Variants in WDR43 observed in about 807,000 individuals in gnomAD.
WDR43 encodes WD repeat domain 43.
A neutral mutation model predicts 91.4 loss-of-function variants in WDR43; 13 were observed. The observed-to-expected ratio is 0.14, with a 90% CI of 0.09 to 0.23. The LOEUF (loss-of-function observed/expected upper bound fraction) is 0.23. Among genes scored for constraint, WDR43 ranks in the 10% least tolerant of loss-of-function variants. WDR43 has a pLI of 1.00. For missense variants in WDR43, 780 were observed against 809.4 expected (o/e 0.96, Z 0.44); for synonymous variants, 331 against 287.9 (o/e 1.15, Z -1.51).
In WDR43 at chr2:28,947,156, T is replaced by C. The variant is rs570117291; in HGVS notation, c.*377T>C. The C allele has an allele frequency of 6.4e-6, 1 of 155,752 alleles. No homozygotes were observed. The highest frequency in any genetic ancestry group is 1.4e-5 in the Non-Finnish European group (1 of 70,474). The allele number at this position is 155,752 out of a possible 1,614,324, so 9.6% of individuals were successfully genotyped here. ...ACTGTTGTGAAGAAGTCAGCTCTTATCTCAGGTTGGTATCTTTCATCAAAT... is the reference window on the plus strand; with the variant it reads ...ACTGTTGTGAAGAAGTCAGCTCTTACCTCAGGTTGGTATCTTTCATCAAAT... On this transcript the variant is annotated 3_prime_UTR_variant, in exon 18 of 18. Transcript: ENST00000407426.
chr2:28,919,225 TC>T (rs1291501334), intron 6 of WDR43, among the ~76,000 whole-genome samples: 18 of 152,290 alleles, frequency 1.2e-4, no homozygotes, highest in African/African-American at 4.3e-4. Context: ...GCCACTGCAT[TC>T]CAGCCTGGGT....
At position 28,927,690 on chromosome 2, in the gene WDR43, G is replaced by T. The variant is rs777090331; in HGVS notation, c.1295G>T (p.Gly432Val). The change falls in exon 10 of 18, where the codon GGG becomes GTG. Residue 432 changes from glycine to valine, a missense_variant. Physicochemically the swap from Gly to Val is moderately radical, Grantham distance 109. Around this residue, in one of 4 missense-constraint regions of WDR43, gnomAD observed 426 missense variants for 467.8 expected, o/e 0.91. Transcript: ENST00000407426. ...CAAGTAGAGAGCAAGAGGAAGTCAGGGGGAAATGAGGTAATGCAACTGCTT... is the reference window on the plus strand; with the variant it reads ...CAAGTAGAGAGCAAGAGGAAGTCAGTGGGAAATGAGGTAATGCAACTGCTT... ...TEQVESKRKS[G>V]GNEVSIEERL... is the part of the protein sequence containing the mutation. 40 of 1,613,852 alleles carry T rather than the reference G, an allele frequency of 2.5e-5. No individual in the cohort carries two copies. The East Asian group carries it at 6.9e-4, about 28-fold the overall frequency.
chr2:28,916,651 G>A (rs1411774262), intron 5 of WDR43, among the ~76,000 whole-genome samples: 1 of 151,918 alleles, frequency 6.6e-6, no homozygotes, highest in Non-Finnish European at 1.5e-5. Context: ...GCACCCACAC[G>A]CTTATCCCTA....
At chr2:28,900,977 A>C (rs1434716708) in intron 1 of WDR43, among the ~76,000 whole-genome samples, 1 of 152,214 alleles carries the variant, frequency 6.6e-6, no homozygotes, top group Non-Finnish European at 1.5e-5. Flanking sequence ...CTCTTTATGC[A>C]CTGGTAACGT....
Position 28,927,650 on chromosome 2 carries a change from C to G in WDR43, c.1255C>G (p.Pro419Ala). 6.2e-7 allele frequency: 1 copy of G among 1,613,888 alleles called. No homozygotes were observed. The highest frequency in any genetic ancestry group is 8.5e-7 in the Non-Finnish European group (1 of 1,179,858). The change falls in exon 10 of 18, where the codon CCT becomes GCT. Residue 419 changes from proline to alanine, a missense_variant. Physicochemically the swap from Pro to Ala is conservative, Grantham distance 27. This residue lies in a region of WDR43 where 426 missense variants were observed against 467.8 expected (regional missense o/e 0.91). Coordinates refer to ENST00000407426, the MANE Select transcript of WDR43 (RefSeq NM_015131.3). ...PGHHAAIKPAPPQTEQVESKR... is the reference protein window; with the variant it reads ...PGHHAAIKPAAPQTEQVESKR... Reference sequence around the variant, plus strand: ...TCATCATGCAGCTATCAAGCCCGCTCCTCCACAAACCGAGCAAGTAGAGAG... The same window carrying G: ...TCATCATGCAGCTATCAAGCCCGCTGCTCCACAAACCGAGCAAGTAGAGAG...
At position 28,934,435 on chromosome 2, in the gene WDR43, G is replaced by A. The variant is rs138574489; in HGVS notation, c.1438-1086G>A. Among the ~76,000 whole-genome samples the A allele has an allele frequency of 5.6e-4, 85 of 152,228 alleles. 1 individual carries two copies. Among genetic ancestry groups the A allele is most frequent in the African/African-American group, 2.0e-3 (82 of 41,534 alleles). On this transcript the variant is annotated intron_variant, in intron 11 of 17. Coordinates refer to ENST00000407426, the MANE Select transcript of WDR43 (RefSeq NM_015131.3). ...GTGTTTATTACGCTTCATTTGTACT[G>A]CAGTAAAGTTGTAAAAGAAAAATCT...
intron 16 of WDR43, among the ~76,000 whole-genome samples, chr2:28,944,513 C>A (rs1316348124): frequency 6.6e-6 from 1 of 152,214 alleles, no homozygotes; most frequent in Non-Finnish European, 1.5e-5. Flanking sequence ...TAAGTATGTT[C>A]ATTGCAGCCT....
intron 11 of WDR43, among the ~76,000 whole-genome samples, chr2:28,935,216 A>G (rs1237137703): frequency 1.3e-5 from 2 of 152,202 alleles, no homozygotes; most frequent in Non-Finnish European, 2.9e-5. Context: ...GAACATCTTT[A>G]AAGTGGCATA....
chr2:28,944,604 T>C (rs538073323), intron 16 of WDR43, among the ~76,000 whole-genome samples: 2 of 152,356 alleles, frequency 1.3e-5, no homozygotes, highest in South Asian at 4.1e-4. Flanking sequence ...TCCTTTAGCA[T>C]AACACTACAT....
intron 4 of WDR43, 122 bp downstream of exon 4, chr2:28,912,832 T>C: frequency 7.6e-7 from 1 of 1,322,578 alleles, no homozygotes; most frequent in Admixed American, 2.7e-5. Context: ...GTACATCAAA[T>C]AGTTTAGTGG....
In WDR43 at chr2:28,910,419, TTC is replaced by T. The variant is rs1313289104; in HGVS notation, c.486-2166_486-2165del. ...GAAGCTGGTAAGGGTAAAGGAAAAG[TTC>T]TCTCGTACATTATAGCTGCATTTCT... On this transcript the variant is annotated intron_variant, in intron 3 of 17. Coordinates refer to ENST00000407426, the MANE Select transcript of WDR43 (RefSeq NM_015131.3). Among the ~76,000 whole-genome samples, 5 of 152,144 alleles carry T rather than the reference TTC, an allele frequency of 3.3e-5. No individual in the cohort carries two copies. The East Asian group carries it at 7.7e-4, about 23-fold the overall frequency.
intron 3 of WDR43, among the ~76,000 whole-genome samples, chr2:28,907,499 C>T (rs1670705491): frequency 6.6e-6 from 1 of 151,064 alleles, no homozygotes; most frequent in Non-Finnish European, 1.5e-5. Context: ...GGCCTGTGGC[C>T]CCAGATACGA....
intron 2 of WDR43, among the ~76,000 whole-genome samples, chr2:28,904,852 A>T (rs943672658): frequency 6.6e-6 from 1 of 152,232 alleles, no homozygotes; most frequent in Non-Finnish European, 1.5e-5. Flanking sequence ...TAGCTTAGAT[A>T]TGTACATAGT....
intron 2 of WDR43, among the ~76,000 whole-genome samples, chr2:28,905,472 C>G (rs918603573): frequency 5.9e-5 from 9 of 152,140 alleles, no homozygotes; most frequent in Non-Finnish European, 1.0e-4. Flanking sequence ...CCTGAAGTAA[C>G]AGTGATTTTT....
rs1054147399 is a variant in WDR43 at position 28,947,226 on chromosome 2, A to T, written c.*447A>T. On this transcript the variant is annotated 3_prime_UTR_variant, in exon 18 of 18. Coordinates refer to ENST00000407426, the MANE Select transcript of WDR43 (RefSeq NM_015131.3). ...AGTGAAAATTTTTTTAATTTAGTAC[A>T]TTTAATTTGGTACATTTTCATAAAA... The T allele has an allele frequency of 6.6e-6, 1 of 152,374 alleles. No homozygotes were observed. The highest frequency in any genetic ancestry group is 1.5e-5 in the Non-Finnish European group (1 of 68,204). The allele number at this position is 152,374 out of a possible 1,614,324, so 9.4% of individuals were successfully genotyped here.
intron 6 of WDR43, among the ~76,000 whole-genome samples, chr2:28,920,752 C>A (rs571527409): frequency 6.6e-6 from 1 of 152,158 alleles, no homozygotes; most frequent in East Asian, 1.9e-4. Context: ...TCTCAGCTCA[C>A]TGCAAACTCT....
Position 28,919,370 on chromosome 2 carries a change from T to TA in WDR43, c.849+1375_849+1376insA. Among the ~76,000 whole-genome samples, 2 of 152,274 alleles carry TA rather than the reference T, an allele frequency of 1.3e-5. 1 individual carries two copies. Among genetic ancestry groups the TA allele is most frequent in the East Asian group, 3.9e-4 (2 of 5,188 alleles). On this transcript the variant is annotated intron_variant, in intron 6 of 17. Coordinates refer to ENST00000407426, the MANE Select transcript of WDR43 (RefSeq NM_015131.3). ...TGATTCCCTATAAAGATTTTTGTCT[T>TA]TAAGAAAAGTAGTAGGGGCTGGGCG...
intron 2 of WDR43, among the ~76,000 whole-genome samples, chr2:28,902,931 A>G (rs1670602853): frequency 6.6e-6 from 1 of 152,184 alleles, no homozygotes. Flanking sequence ...GAGTGTTTTA[A>G]GTTTTTTGTT....
intron 6 of WDR43, among the ~76,000 whole-genome samples, chr2:28,919,780 A>G (rs1324986385): frequency 6.6e-6 from 1 of 152,182 alleles, no homozygotes; most frequent in East Asian, 1.9e-4. Flanking sequence ...TGATAATTGG[A>G]TATTCTGATC....
Sources: allele counts gnomAD v4.1 joint callset (sites outside exome capture counted in the v4.1 genomes callset), GRCh38; gene constraint gnomAD v4.1.1; regional missense constraint gnomAD v4.1.1; transcripts MANE v1.5; gene names NCBI Gene and HGNC (gene_info 2026-07-23, HGNC 2026-07-21).